Variants in SYNE2 observed in about 807,000 individuals in gnomAD.
SYNE2 encodes spectrin repeat containing nuclear envelope protein 2, also known as nesprin-2.
A neutral mutation model predicts 856.3 loss-of-function variants in SYNE2; 431 were observed. That is an observed-to-expected ratio of 0.50 (90% CI 0.47 to 0.55). The LOEUF is 0.55. Ranked by LOEUF, SYNE2 falls within the 20% of genes least tolerant of loss-of-function variation. The pLI is 0.00. For synonymous variants in SYNE2, 2,923 were observed against 2,872.3 expected, an observed-to-expected ratio of 1.02 and a Z score of -0.56; for missense variants, 8,129 against 8,023.2, an observed-to-expected ratio of 1.01 and a Z score of -0.50.
At chr14:63,993,610 A>G (rs911216317) in intron 21 of SYNE2, among the ~76,000 whole-genome samples, 4 of 152,342 alleles carry the variant, frequency 2.6e-5, no homozygotes, top group Middle Eastern at 3.4e-3. Context: ...CTACATTTGA[A>G]TAATAAATAT....
At chr14:64,021,737 A>G (rs1465832403) in intron 36 of SYNE2, 120 bp from the exon 37 acceptor site, 50 of 1,136,866 alleles carry the variant, frequency 4.4e-5, no homozygotes, top group Non-Finnish European at 6.1e-5. Context: ...AGCAAAGAGA[A>G]AGTGAATCCA....
At chr14:63,959,694 C>G (rs967648521) in intron 8 of SYNE2, among the ~76,000 whole-genome samples, 1 of 151,968 alleles carries the variant, frequency 6.6e-6, no homozygotes, top group Non-Finnish European at 1.5e-5. Flanking sequence ...TTTTTTACCC[C>G]CTTCCTTTTT....
In SYNE2 at chr14:64,048,000, G is replaced by C. The variant is rs758670226; in HGVS notation, c.7222G>C (p.Asp2408His). 6 of 1,613,584 alleles carry C rather than the reference G, an allele frequency of 3.7e-6. No individual in the cohort carries two copies. Among genetic ancestry groups the C allele is most frequent in the Non-Finnish European group, 4.2e-6 (5 of 1,179,746 alleles). The change falls in exon 46 of 116, where the codon GAT becomes CAT. Residue 2408 changes from aspartate (D) to histidine (H), a missense_variant and splice_region_variant. This residue lies in a region of SYNE2 where 5,410 missense variants were observed against 5,284.8 expected (regional missense o/e 1.02). Coordinates refer to ENST00000555002, the MANE Select transcript of SYNE2 (RefSeq NM_182914.3). ...KLEEDWEINK[D>H]SAVEMAMSKQ... Reference sequence around the variant, plus strand: ...CAATTAATCTTTTTATGTATTTCAGGATTCAGCTGTGGAAATGGCTATGTC... The same window carrying C: ...CAATTAATCTTTTTATGTATTTCAGCATTCAGCTGTGGAAATGGCTATGTC...
chr14:63,800,852 A>T (rs1888099587), intron 1 of SYNE2, among the ~76,000 whole-genome samples: 1 of 152,156 alleles, frequency 6.6e-6, no homozygotes, highest in East Asian at 1.9e-4. Context: ...AAAGATAAGC[A>T]TTGGGTACTG....
intron 111 of SYNE2, 123 bp downstream of exon 111, chr14:64,220,760 CAT>C (rs886261174): frequency 3.4e-6 from 4 of 1,162,166 alleles, no homozygotes; most frequent in Admixed American, 4.0e-5. Flanking sequence ...TGTCAGGAAA[CAT>C]GTGCTTTACC....
At chr14:64,124,719 C>T (rs1224066416) in intron 70 of SYNE2, among the ~76,000 whole-genome samples, 1 of 152,088 alleles carries the variant, frequency 6.6e-6, no homozygotes, top group East Asian at 1.9e-4. Context: ...TTAATATCAG[C>T]AGGCTGGACA....
At chr14:63,948,475 G>A (rs2096072013) in intron 6 of SYNE2, among the ~76,000 whole-genome samples, 1 of 151,356 alleles carries the variant, frequency 6.6e-6, no homozygotes, top group South Asian at 2.1e-4. Context: ...CAACCTGACC[G>A]ACATGGTGGA....
At chr14:64,162,356 C>A in intron 88 of SYNE2, 80 bp downstream of exon 88, 1 of 1,402,978 alleles carries the variant, frequency 7.1e-7, no homozygotes, top group Non-Finnish European at 1.0e-6. Flanking sequence ...ACCTGGGGAC[C>A]AGACAGACCA....
At chr14:64,084,665 T>A (rs188168784) in intron 57 of SYNE2, 1 of 320,708 alleles carries the variant, frequency 3.1e-6, no homozygotes, top group East Asian at 5.1e-5. Flanking sequence ...AGTTAATAGA[T>A]ATTTGGGTTG....
intron 84 of SYNE2, among the ~76,000 whole-genome samples, chr14:64,149,396 G>C (rs961928761): frequency 4.6e-5 from 7 of 152,198 alleles, no homozygotes; most frequent in Non-Finnish European, 1.0e-4. Context: ...TTCAGTTCAG[G>C]TAAGCTTGCT....
At chr14:63,894,393 A>T (rs1471137741) in intron 1 of SYNE2, among the ~76,000 whole-genome samples, 1 of 150,386 alleles carries the variant, frequency 6.6e-6, no homozygotes, top group South Asian at 2.1e-4. Context: ...ATTAAAAACA[A>T]TTTTTTTTTC....
At chr14:63,801,661 T>C (rs1388363403) in intron 1 of SYNE2, among the ~76,000 whole-genome samples, 1 of 151,476 alleles carries the variant, frequency 6.6e-6, no homozygotes, top group South Asian at 2.1e-4. Flanking sequence ...GCAACAACAG[T>C]GAAACTCCAT....
At chr14:64,154,343 C>T (rs902219521) in intron 85 of SYNE2, among the ~76,000 whole-genome samples, 1 of 151,960 alleles carries the variant, frequency 6.6e-6, no homozygotes, top group Non-Finnish European at 1.5e-5. Context: ...AACTAAACAC[C>T]TTGATGTTTT....
chr14:64,042,338 G>A (rs2097155307), intron 45 of SYNE2, among the ~76,000 whole-genome samples: 1 of 152,212 alleles, frequency 6.6e-6, no homozygotes, highest in South Asian at 2.1e-4. Context: ...CTTTAGAACA[G>A]TGGTTCTGGA....
intron 1 of SYNE2, among the ~76,000 whole-genome samples, chr14:63,825,473 C>CA (rs2139876676): frequency 6.6e-6 from 1 of 152,102 alleles, no homozygotes; most frequent in Non-Finnish European, 1.5e-5. Context: ...CAAGAAATTA[C>CA]AATTGGAAAA....
At chr14:63,998,387 A>G (rs903419280) in intron 26 of SYNE2, 59 bp downstream of exon 26, 15 of 1,149,254 alleles carry the variant, frequency 1.3e-5, no homozygotes, top group Admixed American at 1.3e-4. Flanking sequence ...CGATGCAAAC[A>G]TGTTAGACTT....
intron 49 of SYNE2, among the ~76,000 whole-genome samples, chr14:64,057,055 GGGTAATCA>G (rs1180698940): frequency 6.6e-6 from 1 of 151,436 alleles, no homozygotes; most frequent in Non-Finnish European, 1.5e-5. Context: ...ATTTTGATAC[GGGTAATCA>G]GTGTAATAAT....
chr14:63,797,090 A>G (rs555053199), intron 1 of SYNE2, among the ~76,000 whole-genome samples: 26 of 148,436 alleles, frequency 1.8e-4, no homozygotes, highest in Non-Finnish European at 2.1e-4. Context: ...AAAAAAAAAA[A>G]AAAAGAAAAG....
In SYNE2 at chr14:64,165,325, A is replaced by T; in HGVS notation, c.16520A>T (p.Glu5507Val). Reference sequence around the variant, plus strand: ...TTTAAGGATTTTGGAGTCCGGCTGGAATCTTTAAAAGGTCTTATTATGCAT... The same window carrying T: ...TTTAAGGATTTTGGAGTCCGGCTGGTATCTTTAAAAGGTCTTATTATGCAT... The part of the protein sequence containing the change: ...SQFKDFGVRL[E>V]SLKGLIMHEE... Residue 5507 changes from glutamate to valine, a missense_variant, in exon 90 of 116, where the codon GAA (glutamate) becomes GTA (valine). Physicochemically the swap from Glu to Val is moderately radical, Grantham distance 121. This residue lies in a region of SYNE2 where 5,410 missense variants were observed against 5,284.8 expected (regional missense o/e 1.02). Coordinates refer to ENST00000555002, the MANE Select transcript of SYNE2 (RefSeq NM_182914.3). 6.2e-7 allele frequency: 1 copy of T among 1,613,986 alleles called. No homozygotes were observed. Among genetic ancestry groups the T allele is most frequent in the South Asian group, 1.1e-5 (1 of 91,080 alleles).
Sources: allele counts gnomAD v4.1 joint callset (sites outside exome capture counted in the v4.1 genomes callset), GRCh38; gene constraint gnomAD v4.1.1; regional missense constraint gnomAD v4.1.1; transcripts MANE v1.5; gene names NCBI Gene and HGNC (gene_info 2026-07-23, HGNC 2026-07-21).